HYCC1: variants seen among roughly 807,000 people sequenced by gnomAD.
HYCC1 encodes the protein hyccin PI4KA lipid kinase complex subunit 1, also known as hyccin.
At chr7:22,963,227 C>T in the HYCC1 span, among the ~76,000 whole-genome samples, 2 of 152,138 alleles carry the variant, frequency 1.3e-5, no homozygotes, top group Non-Finnish European at 2.9e-5. Context: ...AGCAGTGGAA[C>T]TAAATTCATA....
At chr7:22,962,529 C>G in the HYCC1 span, among the ~76,000 whole-genome samples, 1 of 151,404 alleles carries the variant, frequency 6.6e-6, no homozygotes, top group Non-Finnish European at 1.5e-5. Flanking sequence ...GCAGCAATCC[C>G]TTTCACCCCC....
the HYCC1 span, among the ~76,000 whole-genome samples, chr7:22,956,572 C>T: frequency 1.3e-5 from 2 of 151,958 alleles, no homozygotes; most frequent in Admixed American, 6.6e-5. Context: ...ACCAACCTTT[C>T]TTTAAAAATC....
the HYCC1 span, among the ~76,000 whole-genome samples, chr7:22,959,819 C>A: frequency 2.0e-5 from 3 of 152,098 alleles, no homozygotes; most frequent in African/African-American, 7.2e-5. Context: ...AACACTATGG[C>A]ATTCTTTACC....
chr7:22,999,475 T>A, the HYCC1 span, among the ~76,000 whole-genome samples: 1 of 152,182 alleles, frequency 6.6e-6, no homozygotes, highest in Non-Finnish European at 1.5e-5. Context: ...CTCAATCACA[T>A]TCATTAACAT....
the HYCC1 span, chr7:22,977,371 T>C: frequency 3.1e-6 from 5 of 1,599,998 alleles, no homozygotes; most frequent in African/African-American, 5.4e-5. Flanking sequence ...TGGATAAAGA[T>C]GGAATCGTAA....
the HYCC1 span, among the ~76,000 whole-genome samples, chr7:22,897,298 G>T: frequency 6.6e-6 from 1 of 152,172 alleles, no homozygotes; most frequent in Admixed American, 6.5e-5. Context: ...TGGGACTTCT[G>T]ATTTTATTCA....
chr7:22,961,466 T>A, the HYCC1 span: 2 of 524,718 alleles, frequency 3.8e-6, no homozygotes, highest in Non-Finnish European at 6.7e-6. Flanking sequence ...AATGTATCTT[T>A]AAATCTTTGA....
chr7:23,005,693 C>A, the HYCC1 span, among the ~76,000 whole-genome samples: 1 of 152,200 alleles, frequency 6.6e-6, no homozygotes, highest in Non-Finnish European at 1.5e-5. Flanking sequence ...TCAGCTCTTT[C>A]TCTATGGTGG....
chr7:22,983,893 A>G, the HYCC1 span: 1 of 1,095,558 alleles, frequency 9.1e-7, no homozygotes, highest in Non-Finnish European at 1.4e-6. Flanking sequence ...TAAAAAATTA[A>G]AAATCAATCA....
the HYCC1 span, chr7:22,942,098 T>A: frequency 2.4e-4 from 37 of 152,334 alleles, no homozygotes; most frequent in East Asian, 6.0e-3. Flanking sequence ...GTACATCTGT[T>A]CTCTGTAATT....
At chr7:22,956,199 CTA>C in the HYCC1 span, among the ~76,000 whole-genome samples, 2 of 151,642 alleles carry the variant, frequency 1.3e-5, no homozygotes, top group African/African-American at 2.4e-5. Flanking sequence ...ACTTGAAAAT[CTA>C]TGTTTGAAAA....
At chr7:22,972,412 T>C in the HYCC1 span, among the ~76,000 whole-genome samples, 2 of 152,200 alleles carry the variant, frequency 1.3e-5, no homozygotes, top group Non-Finnish European at 2.9e-5. Flanking sequence ...GTCAGTTAGA[T>C]GACTCACTAG....
At chr7:22,920,743 T>C in the HYCC1 span, among the ~76,000 whole-genome samples, 99,182 of 151,940 alleles carry the variant, frequency 0.65, 32,348 homozygotes, top group Non-Finnish European at 0.67. Context: ...CTTTTTTCTT[T>C]TTGTTATGGT....
At chr7:22,961,373 AC>A in the HYCC1 span, 14 of 1,026,184 alleles carry the variant, frequency 1.4e-5, no homozygotes, top group Admixed American at 1.8e-5. Flanking sequence ...TTATAACTGA[AC>A]AAAATACAAT....
At chr7:22,963,646 C>T in the HYCC1 span, among the ~76,000 whole-genome samples, 2 of 152,120 alleles carry the variant, frequency 1.3e-5, no homozygotes, top group Non-Finnish European at 2.9e-5. Context: ...GCTTGTGGGC[C>T]GTACAGTCTC....
At chr7:22,967,229 T>C in the HYCC1 span, among the ~76,000 whole-genome samples, 1 of 152,152 alleles carries the variant, frequency 6.6e-6, no homozygotes. Flanking sequence ...AATGAACAAG[T>C]TCAAGATGTG....
chr7:22,985,163 AC>A, the HYCC1 span, among the ~76,000 whole-genome samples: 1 of 152,132 alleles, frequency 6.6e-6, no homozygotes, highest in African/African-American at 2.4e-5. Context: ...GATATTCCTA[AC>A]TCACTCTAAA....
chr7:22,930,843 T>A, the HYCC1 span, among the ~76,000 whole-genome samples: 1 of 152,184 alleles, frequency 6.6e-6, no homozygotes, highest in East Asian at 1.9e-4. Context: ...AAAAAATAAA[T>A]TAATGTGCTA....
chr7:22,897,380 T>C, the HYCC1 span, among the ~76,000 whole-genome samples: 2 of 152,180 alleles, frequency 1.3e-5, no homozygotes, highest in East Asian at 1.9e-4. Context: ...AAATTGGCTC[T>C]GGTTGATTTT....
Sources: allele counts gnomAD v4.1 joint callset (sites outside exome capture counted in the v4.1 genomes callset), GRCh38; gene constraint gnomAD v4.1.1; transcripts MANE v1.5; gene names NCBI Gene and HGNC (gene_info 2026-07-23, HGNC 2026-07-21).